Variants in SUSD6 observed in about 807,000 individuals in gnomAD.
The protein encoded by SUSD6 is sushi domain containing 6.
SUSD6 carries 16 observed loss-of-function variants against 28.4 expected under a neutral mutation model. That is an observed-to-expected ratio of 0.56 (90% CI 0.38 to 0.86). SUSD6 has a LOEUF of 0.86. Among genes scored for constraint, SUSD6 ranks in the 40% least tolerant of loss-of-function variants. The probability of loss-of-function intolerance (pLI) is 0.00; values close to 1 mark genes in which losing one functional copy is unlikely to be tolerated. For missense variants in SUSD6, 341 were observed against 384.2 expected (o/e 0.89, Z 0.94); for synonymous variants, 147 against 159.6 (o/e 0.92, Z 0.59).
intron 2 of SUSD6, among the ~76,000 whole-genome samples, chr14:69,674,435 C>T (rs1013090733): frequency 3.9e-5 from 6 of 152,160 alleles, no homozygotes; most frequent in Non-Finnish European, 5.9e-5. Context: ...TTCCTTTGTA[C>T]TCATTTTTAC....
intron 1 of SUSD6, among the ~76,000 whole-genome samples, chr14:69,622,507 G>A (rs941657899): frequency 2.0e-5 from 3 of 152,148 alleles, no homozygotes; most frequent in Non-Finnish European, 4.4e-5. Context: ...GATTTCAACC[G>A]CCTTGAGGAT....
intron 2 of SUSD6, among the ~76,000 whole-genome samples, chr14:69,680,932 T>C (rs187498058): frequency 3.3e-4 from 50 of 152,326 alleles, no homozygotes; most frequent in African/African-American, 1.2e-3. Context: ...GTAGCTTTGT[T>C]TGGGGAAGGC....
At chr14:69,645,094 T>C (rs1885407941) in intron 1 of SUSD6, among the ~76,000 whole-genome samples, 1 of 152,168 alleles carries the variant, frequency 6.6e-6, no homozygotes, top group South Asian at 2.1e-4. Context: ...GGTTTGGTTA[T>C]AAATTAGGAG....
intron 1 of SUSD6, among the ~76,000 whole-genome samples, chr14:69,636,098 A>C (rs546263203): frequency 6.6e-6 from 1 of 152,346 alleles, no homozygotes; most frequent in Admixed American, 6.5e-5. Context: ...AAGAGGAGGA[A>C]TTGTGCCTTA....
intron 5 of SUSD6, among the ~76,000 whole-genome samples, chr14:69,710,214 C>CCT (rs1316174514): frequency 6.6e-6 from 1 of 152,024 alleles, no homozygotes; most frequent in Non-Finnish European, 1.5e-5. Context: ...AAGGTGGGGC[C>CCT]CTCCTCTTCC....
At chr14:69,671,713 G>A (rs1318153660) in intron 2 of SUSD6, among the ~76,000 whole-genome samples, 1 of 152,154 alleles carries the variant, frequency 6.6e-6, no homozygotes, top group Admixed American at 6.5e-5. Flanking sequence ...GTTGGGGTGA[G>A]GACTGTCTGT....
At chr14:69,705,804 T>G (rs1374914409) in intron 4 of SUSD6, among the ~76,000 whole-genome samples, 3 of 152,178 alleles carry the variant, frequency 2.0e-5, no homozygotes, top group African/African-American at 7.2e-5. Context: ...TAGCCACAAG[T>G]TGTCTAGGGG....
intron 1 of SUSD6, among the ~76,000 whole-genome samples, chr14:69,612,400 C>T (rs745349463): frequency 3.9e-5 from 6 of 152,226 alleles, no homozygotes; most frequent in Non-Finnish European, 8.8e-5. Context: ...ATTAACCAGG[C>T]TAAACTCCCC....
At chr14:69,649,734 C>T (rs1325283649) in intron 1 of SUSD6, among the ~76,000 whole-genome samples, 1 of 152,138 alleles carries the variant, frequency 6.6e-6, no homozygotes, top group African/African-American at 2.4e-5. Context: ...CTGTCCTATT[C>T]CTGGTCCAGG....
intron 1 of SUSD6, among the ~76,000 whole-genome samples, chr14:69,626,465 C>T (rs1566589511): frequency 6.6e-6 from 1 of 152,098 alleles, no homozygotes. Context: ...TTTGTGTTTG[C>T]GTGTGTTTCA....
At chr14:69,685,588 G>A (rs555143342) in intron 2 of SUSD6, among the ~76,000 whole-genome samples, 1 of 152,312 alleles carries the variant, frequency 6.6e-6, no homozygotes, top group African/African-American at 2.4e-5. Context: ...GTGTGTTGCT[G>A]AGTACCAGAG....
intron 1 of SUSD6, among the ~76,000 whole-genome samples, chr14:69,612,117 C>A (rs1246192263): frequency 1.3e-5 from 2 of 151,758 alleles, no homozygotes; most frequent in African/African-American, 4.8e-5. Flanking sequence ...AACTTGGTGA[C>A]CCGCGGTCCG....
chr14:69,709,925 G>T (rs1886438516), intron 5 of SUSD6, among the ~76,000 whole-genome samples: 1 of 152,202 alleles, frequency 6.6e-6, no homozygotes, highest in African/African-American at 2.4e-5. Context: ...CTCCCTAAAA[G>T]AGCCTTAGAG....
At chr14:69,636,751 C>A (rs1885271815) in intron 1 of SUSD6, among the ~76,000 whole-genome samples, 1 of 152,182 alleles carries the variant, frequency 6.6e-6, no homozygotes, top group Non-Finnish European at 1.5e-5. Context: ...GAGAGCTATT[C>A]CTTGGGTTCT....
chr14:69,673,925 G>C (rs1280407897), intron 2 of SUSD6, among the ~76,000 whole-genome samples: 2 of 152,296 alleles, frequency 1.3e-5, no homozygotes, highest in Non-Finnish European at 2.9e-5. Context: ...GTTCTTTAAT[G>C]ATTTACCCTG....
In SUSD6 at chr14:69,713,443, G is replaced by C. The variant is rs1886498316; in HGVS notation, c.*2464G>C. 6.6e-6 allele frequency: 1 copy of C among 152,262 alleles called. No individual in the cohort carries two copies. The highest frequency in any genetic ancestry group is 6.5e-5 in the Admixed American group (1 of 15,284). 9.4% of individuals were successfully genotyped at this position (152,262 alleles called of 1,614,324 possible). A position where few individuals can be genotyped will look rare whatever the true frequency, so the allele number is the denominator to read the frequency against. ...GAGGCTCCTGGGCCTGTGAGTGCAG[G>C]AGCTCATTCTCCCCTCACTGCTGAA... On this transcript the variant is annotated 3_prime_UTR_variant, in exon 6 of 6. Coordinates refer to ENST00000342745, the MANE Select transcript of SUSD6 (RefSeq NM_014734.4).
chr14:69,626,572 TG>T (rs1172277025), intron 1 of SUSD6, among the ~76,000 whole-genome samples: 1 of 152,238 alleles, frequency 6.6e-6, no homozygotes, highest in African/African-American at 2.4e-5. Context: ...AATATCTCCT[TG>T]CTATGGGTAT....
At chr14:69,677,653 A>G (rs2139628455) in intron 2 of SUSD6, among the ~76,000 whole-genome samples, 1 of 152,052 alleles carries the variant, frequency 6.6e-6, no homozygotes, top group East Asian at 1.9e-4. Flanking sequence ...GCAGCAGTGG[A>G]GACAGCTGCA....
intron 1 of SUSD6, among the ~76,000 whole-genome samples, chr14:69,616,342 C>A (rs1028675583): frequency 6.6e-5 from 10 of 152,190 alleles, no homozygotes; most frequent in African/African-American, 2.4e-4. Context: ...CTTGCCTTCA[C>A]CCACAGAAAT....
Sources: allele counts gnomAD v4.1 joint callset (sites outside exome capture counted in the v4.1 genomes callset), GRCh38; gene constraint gnomAD v4.1.1; transcripts MANE v1.5; gene names NCBI Gene and HGNC (gene_info 2026-07-23, HGNC 2026-07-21).